The following ARHGAP10 variants were observed in gnomAD, a reference collection of about 807,000 sequenced individuals.
ARHGAP10 encodes the protein Rho GTPase activating protein 10.
ARHGAP10 carries 87 observed loss-of-function variants against 108.6 expected under a neutral mutation model. The observed-to-expected ratio is 0.80, with a 90% CI of 0.67 to 0.96. The LOEUF (loss-of-function observed/expected upper bound fraction) is 0.96. Among genes scored for constraint, ARHGAP10 ranks in the 40% least tolerant of loss-of-function variants. The pLI, the probability that ARHGAP10 is intolerant of heterozygous loss-of-function variation, is 0.00. For synonymous variants in ARHGAP10, 347 were observed against 341.1 expected, an observed-to-expected ratio of 1.02 and a Z score of -0.19; for missense variants, 939 against 954.5, an observed-to-expected ratio of 0.98 and a Z score of 0.21.
intron 18 of ARHGAP10, among the ~76,000 whole-genome samples, chr4:148,007,964 G>A (rs1055721756): frequency 2.0e-5 from 3 of 152,090 alleles, no homozygotes; most frequent in South Asian, 4.1e-4. Context: ...GCCCTAGCAT[G>A]TCCCAGTCAA....
chr4:147,753,555 T>C (rs1396002512), intron 1 of ARHGAP10, among the ~76,000 whole-genome samples: 2 of 150,830 alleles, frequency 1.3e-5, no homozygotes, highest in African/African-American at 2.4e-5. Flanking sequence ...AGTTTCACCA[T>C]GTTGGCCAGG....
chr4:147,985,348 G>A (rs1251677505), intron 18 of ARHGAP10, among the ~76,000 whole-genome samples: 2 of 152,152 alleles, frequency 1.3e-5, no homozygotes, highest in African/African-American at 2.4e-5. Context: ...AATCTGCCTG[G>A]GGGTGGAGTG....
At chr4:147,789,872 G>C (rs140216761) in intron 1 of ARHGAP10, among the ~76,000 whole-genome samples, 1 of 152,120 alleles carries the variant, frequency 6.6e-6, no homozygotes, top group Non-Finnish European at 1.5e-5. Context: ...TGCAGATGAT[G>C]TGTGGGAGTC....
intron 22 of ARHGAP10, among the ~76,000 whole-genome samples, chr4:148,068,235 C>T (rs562582403): frequency 1.0e-3 from 158 of 152,294 alleles, no homozygotes; most frequent in Non-Finnish European, 1.7e-3. Flanking sequence ...AGCGACCCCA[C>T]GTGGCAGCGG....
chr4:147,947,889 T>C (rs535445251), intron 15 of ARHGAP10, among the ~76,000 whole-genome samples: 2 of 152,228 alleles, frequency 1.3e-5, no homozygotes, highest in Non-Finnish European at 2.9e-5. Context: ...ATCCTGCTTC[T>C]TGAGTTATCA....
intron 1 of ARHGAP10, among the ~76,000 whole-genome samples, chr4:147,736,694 T>C (rs1490534325): frequency 2.0e-5 from 3 of 152,250 alleles, no homozygotes; most frequent in African/African-American, 7.2e-5. Flanking sequence ...TTCTGATTAA[T>C]CTAACTCAGT....
intron 18 of ARHGAP10, 84 bp downstream of exon 18, chr4:147,966,923 CT>C: frequency 2.5e-6 from 3 of 1,193,632 alleles, no homozygotes; most frequent in Non-Finnish European, 3.3e-6. Flanking sequence ...TTTCCCTTTT[CT>C]CTCTCTCTGT....
intron 1 of ARHGAP10, among the ~76,000 whole-genome samples, chr4:147,734,163 T>C (rs981862856): frequency 6.6e-6 from 1 of 152,008 alleles, no homozygotes; most frequent in African/African-American, 2.4e-5. Context: ...CTCTCATTGG[T>C]TGTAGTAGTT....
Position 147,913,156 on chromosome 4 carries a change from A to G in ARHGAP10, c.1228+17A>G, listed in dbSNP as rs376308340. 9.3e-6 allele frequency: 15 copies of G among 1,605,032 alleles called. No individual in the cohort carries two copies. Among genetic ancestry groups the G allele is most frequent in the Non-Finnish European group, 1.3e-5 (15 of 1,171,866 alleles). On this transcript the variant is annotated intron_variant, in intron 13 of 22. Transcript: ENST00000336498. ...AAACACGAGGTAATATGATTGAATC[A>G]TTTCATTCATGAGAGGCTATAGGTA...
intron 1 of ARHGAP10, among the ~76,000 whole-genome samples, chr4:147,788,145 T>C (rs1423955887): frequency 6.6e-6 from 1 of 152,150 alleles, no homozygotes; most frequent in Non-Finnish European, 1.5e-5. Flanking sequence ...ATTTTTTTTT[T>C]TTAAAAAGCG....
At chr4:147,980,164 T>C (rs978074924) in intron 18 of ARHGAP10, among the ~76,000 whole-genome samples, 1 of 152,248 alleles carries the variant, frequency 6.6e-6, no homozygotes, top group African/African-American at 2.4e-5. Context: ...ATGCTGGCTG[T>C]GGGTTCATCA....
At chr4:147,960,319 G>A (rs1305547220) in intron 16 of ARHGAP10, among the ~76,000 whole-genome samples, 1 of 151,772 alleles carries the variant, frequency 6.6e-6, no homozygotes, top group Non-Finnish European at 1.5e-5. Flanking sequence ...TTTCTGTTTA[G>A]CAACAGCTGT....
intron 13 of ARHGAP10, among the ~76,000 whole-genome samples, chr4:147,918,421 C>T (rs1007372562): frequency 6.6e-6 from 1 of 152,190 alleles, no homozygotes; most frequent in African/African-American, 2.4e-5. Context: ...AGGTGTGAGC[C>T]ACTGCACCCA....
chr4:147,763,972 C>T (rs1464806025), intron 1 of ARHGAP10, among the ~76,000 whole-genome samples: 1 of 152,024 alleles, frequency 6.6e-6, no homozygotes, highest in Non-Finnish European at 1.5e-5. Flanking sequence ...CCAGGCTGGT[C>T]TCAAACTCCT....
chr4:147,763,742 A>AT (rs1172994554), intron 1 of ARHGAP10, among the ~76,000 whole-genome samples: 1 of 104,566 alleles, frequency 9.6e-6, no homozygotes. Flanking sequence ...ACAGATGGTG[A>AT]TTCCTTTTTT....
chr4:147,797,611 C>T (rs1731367130), intron 1 of ARHGAP10, among the ~76,000 whole-genome samples: 2 of 152,086 alleles, frequency 1.3e-5, no homozygotes, highest in Non-Finnish European at 2.9e-5. Context: ...CGGGGTTTCA[C>T]CATGTTGGCC....
intron 1 of ARHGAP10, among the ~76,000 whole-genome samples, chr4:147,763,845 T>C (rs6535558): frequency 0.74 from 112,370 of 150,974 alleles, 47,832 homozygotes; most frequent in Non-Finnish European, 0.93. Context: ...GCCTCAACTT[T>C]CTGGGCTCAG....
chr4:147,855,249 G>C (rs1734036890), intron 4 of ARHGAP10, among the ~76,000 whole-genome samples: 2 of 152,210 alleles, frequency 1.3e-5, no homozygotes, highest in Admixed American at 6.5e-5. Flanking sequence ...GAGTGGCTAG[G>C]ACTGCAGCTT....
At chr4:148,032,456 G>A (rs1372898590) in intron 19 of ARHGAP10, among the ~76,000 whole-genome samples, 1 of 149,852 alleles carries the variant, frequency 6.7e-6, no homozygotes, top group Non-Finnish European at 1.5e-5. Context: ...TCAGTTATTA[G>A]CAAGTCTGTA....
Sources: gnomAD v4.1 joint callset for allele counts (sites outside exome capture counted in the v4.1 genomes callset) on GRCh38, gnomAD v4.1.1 for gene constraint, MANE v1.5 for transcripts, NCBI Gene and HGNC (gene_info 2026-07-23, HGNC 2026-07-21) for gene names.